The following LAP3 variants were observed in gnomAD, a reference collection of about 807,000 sequenced individuals.
The protein encoded by LAP3 is leucine aminopeptidase 3.
LAP3 carries 46 observed loss-of-function variants against 58.8 expected under a neutral mutation model. The ratio of observed to expected loss-of-function variants is 0.78; its 90% CI spans 0.62 to 1.00. The LOEUF is 1.00. Ranked by LOEUF, LAP3 falls within the 50% of genes least tolerant of loss-of-function variation. The probability of loss-of-function intolerance (pLI) is 0.00; values close to 1 mark genes in which losing one functional copy is unlikely to be tolerated. For synonymous variants in LAP3, 257 were observed against 237.7 expected (o/e 1.08, Z -0.75); for missense variants, 615 against 659.1 (o/e 0.93, Z 0.73).
chr4:17,607,941 C>G lies in LAP3; in HGVS notation c.*352C>G, dbSNP rs2109025677. 5.7e-6 allele frequency: 1 copy of G among 174,990 alleles called. No homozygotes were observed. Among genetic ancestry groups the G allele is most frequent in the South Asian group, 1.5e-4 (1 of 6,880 alleles). The allele number at this position is 174,990 out of a possible 1,614,324, so 10.8% of individuals were successfully genotyped here. A position where few individuals can be genotyped will look rare whatever the true frequency, so the allele number is the denominator to read the frequency against. On this transcript the variant is annotated 3_prime_UTR_variant, in exon 13 of 13. Coordinates refer to ENST00000226299, the MANE Select transcript of LAP3 (RefSeq NM_015907.3). Reference sequence around the variant, plus strand: ...AAACTGAAAATTACTATGCACTTGTCAGAAACAATAAATGCAACTTGTTGT... The same window carrying G: ...AAACTGAAAATTACTATGCACTTGTGAGAAACAATAAATGCAACTTGTTGT...
At chr4:17,581,897 A>G in intron 3 of LAP3, 83 bp downstream of exon 3, 1 of 1,066,144 alleles carries the variant, frequency 9.4e-7, no homozygotes, top group Non-Finnish European at 1.4e-6. Context: ...AGTCATACTA[A>G]ACATTATGTG....
chr4:17,577,667 A>C, intron 1 of LAP3, 100 bp downstream of exon 1: 1 of 913,904 alleles, frequency 1.1e-6, no homozygotes, highest in South Asian at 1.6e-5. Flanking sequence ...TGGGCGCCCA[A>C]GCCAAGTTGC....
chr4:17,585,390 T>C (rs1713483539), intron 6 of LAP3: 1 of 273,158 alleles, frequency 3.7e-6, no homozygotes, highest in African/African-American at 2.2e-5. Flanking sequence ...TCAGACACAA[T>C]TAACATGCCA....
chr4:17,585,381 C>G (rs1017113190), intron 6 of LAP3: 2 of 291,246 alleles, frequency 6.9e-6, no homozygotes, highest in Admixed American at 4.8e-5. Flanking sequence ...CTGTGTTATT[C>G]AGACACAATT....
At chr4:17,579,576 G>A (rs1355208881) in intron 1 of LAP3, among the ~76,000 whole-genome samples, 1 of 152,186 alleles carries the variant, frequency 6.6e-6, no homozygotes, top group Non-Finnish European at 1.5e-5. Context: ...CTAGGAGTGA[G>A]CACAGAAACC....
chr4:17,601,674 A>T (rs893139087), intron 10 of LAP3, among the ~76,000 whole-genome samples: 1 of 152,104 alleles, frequency 6.6e-6, no homozygotes, highest in Non-Finnish European at 1.5e-5. Context: ...TTTATATATA[A>T]CCTATGTACA....
At position 17,577,222 on chromosome 4, in the gene LAP3, A is replaced by ACACGACTGCGGGCGCACACGAC. The variant is rs1560339568; in HGVS notation, c.-244_-243insCACGACTGCGGGCGCACACGAC. ...CGCACACGAATGCGGGCGCACACGAATGCGGGCGCACACGAATGCGGGCGC... is the reference window on the plus strand; with the variant it reads ...CGCACACGAATGCGGGCGCACACGAACACGACTGCGGGCGCACACGACTGCGGGCGCACACGAATGCGGGCGC... On this transcript the variant is annotated 5_prime_UTR_variant, in exon 1 of 13. It removes an upstream start codon present in the reference 5' UTR. Transcript: ENST00000226299. The ACACGACTGCGGGCGCACACGAC allele has an allele frequency of 1.0e-4, 37 of 357,942 alleles. No homozygotes were observed. Among genetic ancestry groups the ACACGACTGCGGGCGCACACGAC allele is most frequent in the African/African-American group, 7.7e-4 (35 of 45,162 alleles). 22.2% of individuals were successfully genotyped at this position (357,942 alleles called of 1,614,324 possible).
chr4:17,582,415 A>G, intron 4 of LAP3, 22 bp downstream of exon 4: 2 of 1,574,250 alleles, frequency 1.3e-6, no homozygotes, highest in Non-Finnish European at 1.7e-6. Flanking sequence ...TTTTAAGTTT[A>G]AAGAATCCTG....
chr4:17,596,629 G>A (rs549525202), intron 8 of LAP3, among the ~76,000 whole-genome samples: 19 of 152,272 alleles, frequency 1.2e-4, no homozygotes, highest in Middle Eastern at 3.4e-3. Context: ...ATGAGCCACC[G>A]CGCCTGGCCT....
At chr4:17,580,182 G>GTGTATATATATATATATATATATATA (rs1230041457) in intron 2 of LAP3, among the ~76,000 whole-genome samples, 7 of 31,010 alleles carry the variant, frequency 2.3e-4, no homozygotes, top group Admixed American at 3.9e-4. Flanking sequence ...ATATATATAT[G>GTGTATATATATATATATATATATATA]TATTTTTTTT....
chr4:17,585,331 GA>G (rs1713481202), intron 6 of LAP3, 195 bp downstream of exon 6: 2 of 526,826 alleles, frequency 3.8e-6, no homozygotes, highest in Admixed American at 3.2e-5. Flanking sequence ...CTTTGAGAGA[GA>G]GAGTGCCATG....
chr4:17,605,991 AG>A (rs1163099759), intron 11 of LAP3, among the ~76,000 whole-genome samples: 1 of 152,132 alleles, frequency 6.6e-6, no homozygotes, highest in Non-Finnish European at 1.5e-5. Context: ...ATTTTTTACC[AG>A]TGAGTTAAAT....
At chr4:17,599,800 GAC>G (rs1314645975) in intron 10 of LAP3, among the ~76,000 whole-genome samples, 4 of 151,414 alleles carry the variant, frequency 2.6e-5, no homozygotes, top group Admixed American at 1.3e-4. Context: ...TTTAACAAGT[GAC>G]ACAGTGTGAA....
In LAP3 at chr4:17,595,446, C is replaced by T. The variant is rs1713806281; in HGVS notation, c.900C>T (p.Asp300=). 2 of 1,613,926 alleles carry T rather than the reference C, an allele frequency of 1.2e-6. No homozygotes were observed. ...CCATCAAGGCTTCTGCAAATATGGA[C>T]CTCATGAGGGCTGACATGGGAGGAG... ...GISIKASANM[D]LMRADMGGAA... Residue 300 remains aspartate, a synonymous_variant, in exon 8 of 13, where the codon GAC becomes GAT. Transcript: ENST00000226299.
At chr4:17,599,469 G>T (rs1713934700) in intron 10 of LAP3, among the ~76,000 whole-genome samples, 1 of 152,148 alleles carries the variant, frequency 6.6e-6, no homozygotes, top group Non-Finnish European at 1.5e-5. Flanking sequence ...CCCAGAGGTG[G>T]AGGTTGTAGT....
chr4:17,605,033 G>C (rs571735645), intron 11 of LAP3, among the ~76,000 whole-genome samples: 3 of 151,958 alleles, frequency 2.0e-5, no homozygotes, highest in African/African-American at 7.3e-5. Context: ...ACCCTGCATC[G>C]ATGAGGATGT....
intron 11 of LAP3, among the ~76,000 whole-genome samples, chr4:17,606,533 T>G (rs1264290440): frequency 6.6e-6 from 1 of 152,136 alleles, no homozygotes; most frequent in Non-Finnish European, 1.5e-5. Flanking sequence ...AGAGACAGCG[T>G]TTCACCATGT....
intron 1 of LAP3, among the ~76,000 whole-genome samples, chr4:17,579,250 A>G (rs548660599): frequency 9.2e-5 from 14 of 152,214 alleles, no homozygotes; most frequent in Non-Finnish European, 1.9e-4. Context: ...GGGTGAGTTC[A>G]GTAGGTTTAT....
At chr4:17,582,842 G>T (rs1221784856) in intron 4 of LAP3, among the ~76,000 whole-genome samples, 1 of 152,208 alleles carries the variant, frequency 6.6e-6, no homozygotes, top group East Asian at 1.9e-4. Context: ...CCAGGCAGGG[G>T]CCATTGAGTC....
Sources: allele counts gnomAD v4.1 joint callset (sites outside exome capture counted in the v4.1 genomes callset), GRCh38; gene constraint gnomAD v4.1.1; transcripts MANE v1.5; gene names NCBI Gene and HGNC (gene_info 2026-07-23, HGNC 2026-07-21).